Variants in DCLK1 observed in about 807,000 individuals in gnomAD.
DCLK1 encodes the protein serine/threonine-protein kinase DCLK1.
Under a neutral mutation model 86.2 loss-of-function variants are expected in DCLK1, and 16 were observed. That is an observed-to-expected ratio of 0.19 (90% confidence interval 0.13 to 0.28). The LOEUF (loss-of-function observed/expected upper bound fraction) is 0.28. Ranked by LOEUF, DCLK1 falls within the 10% of genes least tolerant of loss-of-function variation. DCLK1 has a pLI of 1.00. For missense variants in DCLK1, 590 were observed against 940.2 expected (o/e 0.63, Z 4.87); for synonymous variants, 369 against 370.5 (o/e 1.00, Z 0.05).
At chr13:35,830,918 A>C (rs899410874) in intron 8 of DCLK1, among the ~76,000 whole-genome samples, 2 of 152,194 alleles carry the variant, frequency 1.3e-5, no homozygotes, top group African/African-American at 4.8e-5. Flanking sequence ...TTGAAGGAGT[A>C]ATTTTAAAGC....
At chr13:35,812,870 T>C (rs2087177305) in intron 11 of DCLK1, among the ~76,000 whole-genome samples, 1 of 152,170 alleles carries the variant, frequency 6.6e-6, no homozygotes, top group Non-Finnish European at 1.5e-5. Flanking sequence ...CCAGCTGTCA[T>C]CTGGGACGGA....
chr13:35,795,258 C>T, intron 15 of DCLK1, among the ~76,000 whole-genome samples: 1 of 152,178 alleles, frequency 6.6e-6, no homozygotes, highest in East Asian at 1.9e-4. Flanking sequence ...TGGGAAGCCA[C>T]AAAGTCATCT....
chr13:35,804,742 T>C (rs1396703589), intron 15 of DCLK1, among the ~76,000 whole-genome samples: 1 of 152,120 alleles, frequency 6.6e-6, no homozygotes, highest in Non-Finnish European at 1.5e-5. Context: ...CAACTATGAG[T>C]ATTATTAATC....
intron 3 of DCLK1, among the ~76,000 whole-genome samples, chr13:35,975,262 C>CCTGT (rs1879277594): frequency 6.6e-6 from 1 of 152,212 alleles, no homozygotes; most frequent in African/African-American, 2.4e-5. Context: ...CAGGAAAAAA[C>CCTGT]ACTTATGACC....
At chr13:35,925,409 C>A (rs1171051) in intron 4 of DCLK1, among the ~76,000 whole-genome samples, 17,948 of 152,102 alleles carry the variant, frequency 0.12, 1,726 homozygotes, top group African/African-American at 0.27. Flanking sequence ...ATTTAAAAGA[C>A]GATATAAAAT....
chr13:35,965,530 G>C (rs1322507901), intron 3 of DCLK1, among the ~76,000 whole-genome samples: 3 of 152,136 alleles, frequency 2.0e-5, no homozygotes, highest in African/African-American at 7.2e-5. Flanking sequence ...CTTTTTTAAG[G>C]ATCTCAGTTT....
intron 3 of DCLK1, among the ~76,000 whole-genome samples, chr13:35,994,059 C>T (rs539977176): frequency 7.3e-5 from 11 of 151,026 alleles, no homozygotes; most frequent in Non-Finnish European, 1.3e-4. Flanking sequence ...GGAACCAATA[C>T]TATGAGCCCT....
intron 3 of DCLK1, among the ~76,000 whole-genome samples, chr13:36,105,782 T>A (rs1438457970): frequency 6.6e-6 from 1 of 152,180 alleles, no homozygotes; most frequent in Non-Finnish European, 1.5e-5. Context: ...CAGACTGAAA[T>A]CTCAGTCCAG....
At chr13:36,090,552 TAGAA>T (rs1884782332) in intron 3 of DCLK1, among the ~76,000 whole-genome samples, 2 of 152,050 alleles carry the variant, frequency 1.3e-5, no homozygotes, top group African/African-American at 4.8e-5. Flanking sequence ...GCTCTGTTCT[TAGAA>T]AGAGCTCTCT....
chr13:35,783,909 A>C (rs2086574454), intron 16 of DCLK1, among the ~76,000 whole-genome samples: 1 of 152,176 alleles, frequency 6.6e-6, no homozygotes, highest in Admixed American at 6.5e-5. Context: ...AATTTCTAAA[A>C]GTGTCATGTG....
At chr13:35,959,282 A>G (rs2153136896) in intron 3 of DCLK1, among the ~76,000 whole-genome samples, 1 of 152,310 alleles carries the variant, frequency 6.6e-6, no homozygotes, top group South Asian at 2.1e-4. Context: ...GCATGAACTA[A>G]GGCATAAAGC....
chr13:35,984,536 GA>G (rs1879807879), intron 3 of DCLK1, among the ~76,000 whole-genome samples: 1 of 152,180 alleles, frequency 6.6e-6, no homozygotes, highest in African/African-American at 2.4e-5. Flanking sequence ...TGGAGTTACA[GA>G]AAAACTCTGA....
chr13:35,781,361 G>T (rs2086522546), intron 16 of DCLK1, among the ~76,000 whole-genome samples: 1 of 152,128 alleles, frequency 6.6e-6, no homozygotes, highest in Non-Finnish European at 1.5e-5. Flanking sequence ...ACTGAAAGGG[G>T]GTTATTGTGC....
At position 35,795,090 on chromosome 13, in the gene DCLK1, A is replaced by T. The variant is rs534279044; in HGVS notation, c.1945-1611T>A. On this transcript the variant is annotated intron_variant, in intron 15 of 16. Coordinates refer to ENST00000360631, the MANE Select transcript of DCLK1 (RefSeq NM_001330071.2). Reference sequence around the variant, plus strand: ...ATGGCTGGATGGCTCAGCTAGATTCACCAAAGAAGTTCAGAGGAGAAAGGG... The same window carrying T: ...ATGGCTGGATGGCTCAGCTAGATTCTCCAAAGAAGTTCAGAGGAGAAAGGG... Among the ~76,000 whole-genome samples the T allele has an allele frequency of 1.2e-4, 19 of 152,326 alleles. No individual in the cohort carries two copies. In the South Asian group the frequency reaches 3.9e-3, roughly 32 times the overall value.
At position 35,774,497 on chromosome 13, in the gene DCLK1, C is replaced by T; in HGVS notation, c.*38G>A. The T allele has an allele frequency of 6.5e-7, 1 of 1,547,312 alleles. No individual in the cohort carries two copies. The highest frequency in any genetic ancestry group is 8.7e-7 in the Non-Finnish European group (1 of 1,144,448). ...TTGGGGGAAAAAAATCTCAGAGTCT[C>T]AAAGGGTTAAGCTAGGACTTTGAGT... On this transcript the variant is annotated 3_prime_UTR_variant, in exon 17 of 17. Coordinates refer to ENST00000360631, the MANE Select transcript of DCLK1 (RefSeq NM_001330071.2).
chr13:35,853,651 T>C (rs937909546), intron 6 of DCLK1, among the ~76,000 whole-genome samples: 6 of 152,214 alleles, frequency 3.9e-5, no homozygotes, highest in African/African-American at 1.4e-4. Context: ...TGTGTTTGAG[T>C]GCAGTAGACT....
intron 3 of DCLK1, among the ~76,000 whole-genome samples, chr13:36,056,515 T>C (rs1335974759): frequency 8.2e-5 from 11 of 134,240 alleles, no homozygotes; most frequent in Non-Finnish European, 1.6e-4. Flanking sequence ...TACCTAATGC[T>C]AGATGATGAG....
At chr13:35,865,344 C>A (rs1490653632) in intron 5 of DCLK1, among the ~76,000 whole-genome samples, 3 of 152,146 alleles carry the variant, frequency 2.0e-5, no homozygotes, top group African/African-American at 7.2e-5. Context: ...CCATATGAAA[C>A]TCCTTATTCC....
At chr13:35,962,565 C>T (rs1878515167) in intron 3 of DCLK1, among the ~76,000 whole-genome samples, 1 of 152,176 alleles carries the variant, frequency 6.6e-6, no homozygotes, top group Admixed American at 6.5e-5. Context: ...CCACTCAGAT[C>T]ATGGTTATTT....
Sources: allele counts gnomAD v4.1 joint callset (sites outside exome capture counted in the v4.1 genomes callset), GRCh38; gene constraint gnomAD v4.1.1; transcripts MANE v1.5; gene names NCBI Gene and HGNC (gene_info 2026-07-23, HGNC 2026-07-21).